ABCD3: variants seen among roughly 807,000 people sequenced by gnomAD.
The protein encoded by ABCD3 is ATP-binding cassette sub-family D member 3.
In ABCD3, 41 loss-of-function variants were observed where a neutral mutation model predicts 105.5. The ratio of observed to expected loss-of-function variants is 0.39; its 90% CI spans 0.30 to 0.50. ABCD3 has a LOEUF of 0.50. Ranked by LOEUF, ABCD3 falls within the 20% of genes least tolerant of loss-of-function variation. The probability of loss-of-function intolerance (pLI) is 0.84; values close to 1 mark genes in which losing one functional copy is unlikely to be tolerated. For synonymous variants in ABCD3, 258 were observed against 269.0 expected (o/e 0.96, Z 0.40); for missense variants, 622 against 806.3 (o/e 0.77, Z 2.77).
intron 1 of ABCD3, among the ~76,000 whole-genome samples, chr1:94,423,491 G>T (rs2100869519): frequency 6.6e-6 from 1 of 152,272 alleles, no homozygotes; most frequent in Middle Eastern, 3.4e-3. Context: ...TTCCTTTGGA[G>T]CACTTTCTGC....
At chr1:94,428,430 A>G (rs1321324045) in intron 1 of ABCD3, among the ~76,000 whole-genome samples, 1 of 152,266 alleles carries the variant, frequency 6.6e-6, no homozygotes, top group African/African-American at 2.4e-5. Flanking sequence ...ATAATAATTT[A>G]GTCAACATGT....
In ABCD3 at chr1:94,514,306, G is replaced by A. The variant is rs1188683434; in HGVS notation, c.1846-840G>A. The A allele has an allele frequency of 2.6e-5, 4 of 152,178 alleles. No homozygotes were observed. In the East Asian group the frequency reaches 5.8e-4, roughly 22 times the overall value. The allele number at this position is 152,178 out of a possible 1,614,324, so 9.4% of individuals were successfully genotyped here. ...CCTGGCCTCTGCCCATTAGATGGCA[G>A]TAGTGCTTTCAGTTGTGAAAATAAA... is the stretch of plus-strand genomic sequence containing the variant. On this transcript the variant is annotated intron_variant, in intron 21 of 22. Coordinates refer to ENST00000370214, the MANE Select transcript of ABCD3 (RefSeq NM_002858.4).
Position 94,458,458 on chromosome 1 carries a change from T to C in ABCD3, c.111-149T>C, listed in dbSNP as rs1192761568. ...AATGCCTAGTAAGAGTCAGGTGGAC[T>C]ATTATTATTTAATATGTTCTATCTC... On this transcript the variant is annotated intron_variant, in intron 1 of 22. Coordinates refer to ENST00000370214, the MANE Select transcript of ABCD3 (RefSeq NM_002858.4). 4 of 706,710 alleles carry C rather than the reference T, an allele frequency of 5.7e-6. No individual in the cohort carries two copies. The East Asian group carries it at 1.1e-4, about 19-fold the overall frequency. The allele number at this position is 706,710 out of a possible 1,614,324, so 43.8% of individuals were successfully genotyped here.
chr1:94,414,626 T>C (rs781326154), upstream of ABCD3, among the ~76,000 whole-genome samples: 1 of 152,138 alleles, frequency 6.6e-6, no homozygotes, highest in Non-Finnish European at 1.5e-5. Flanking sequence ...CCCGGTTGGA[T>C]TGGTGTTTCA....
chr1:94,410,369 T>C, the ABCD3 span, among the ~76,000 whole-genome samples: 1 of 152,152 alleles, frequency 6.6e-6, no homozygotes, highest in Non-Finnish European at 1.5e-5. Context: ...TTGAATTCCT[T>C]TTAGGTGGGC....
At chr1:94,507,396 G>A (rs1650419949) in intron 21 of ABCD3, among the ~76,000 whole-genome samples, 1 of 152,102 alleles carries the variant, frequency 6.6e-6, no homozygotes, top group African/African-American at 2.4e-5. Flanking sequence ...ATCTTTGTTG[G>A]ACATTTGGGT....
At chr1:94,448,006 T>C (rs1040433112) in intron 1 of ABCD3, among the ~76,000 whole-genome samples, 1 of 152,172 alleles carries the variant, frequency 6.6e-6, no homozygotes, top group Non-Finnish European at 1.5e-5. Context: ...GAGCTTCAGC[T>C]AATCAAAAGC....
chr1:94,430,554 C>G (rs1340811085), intron 1 of ABCD3, among the ~76,000 whole-genome samples: 4 of 152,088 alleles, frequency 2.6e-5, no homozygotes, highest in African/African-American at 9.7e-5. Context: ...AGAGAAGTTC[C>G]CCTGCACAAG....
intron 1 of ABCD3, among the ~76,000 whole-genome samples, chr1:94,431,822 C>T (rs1391586409): frequency 6.6e-6 from 1 of 152,106 alleles, no homozygotes; most frequent in African/African-American, 2.4e-5. Context: ...CTTTATTTAC[C>T]TGTGAATACA....
At chr1:94,438,556 C>T (rs970486589) in intron 1 of ABCD3, among the ~76,000 whole-genome samples, 8 of 152,098 alleles carry the variant, frequency 5.3e-5, no homozygotes, top group African/African-American at 1.9e-4. Context: ...CATCAAACAG[C>T]ATAGTATGGC....
At chr1:94,442,250 A>G (rs528004500) in intron 1 of ABCD3, among the ~76,000 whole-genome samples, 49 of 152,300 alleles carry the variant, frequency 3.2e-4, no homozygotes, top group African/African-American at 1.1e-3. Flanking sequence ...TGCAATTGCT[A>G]TAAGCCGTTT....
At chr1:94,484,459 A>G (rs1485562105) in intron 10 of ABCD3, among the ~76,000 whole-genome samples, 1 of 152,232 alleles carries the variant, frequency 6.6e-6, no homozygotes, top group Non-Finnish European at 1.5e-5. Context: ...ATGCAGCCAT[A>G]AAAATTATGA....
At chr1:94,410,812 G>C in the ABCD3 span, among the ~76,000 whole-genome samples, 6 of 152,168 alleles carry the variant, frequency 3.9e-5, no homozygotes, top group Non-Finnish European at 8.8e-5. Flanking sequence ...CCAGAACTTT[G>C]ACATAATTCT....
intron 20 of ABCD3, among the ~76,000 whole-genome samples, chr1:94,503,870 C>G (rs1650222830): frequency 6.9e-6 from 1 of 145,710 alleles, no homozygotes; most frequent in African/African-American, 2.5e-5. Context: ...ACAATCTTGG[C>G]TCACTGCAAC....
At chr1:94,476,040 G>T (rs746319438) in intron 7 of ABCD3, among the ~76,000 whole-genome samples, 1 of 152,024 alleles carries the variant, frequency 6.6e-6, no homozygotes, top group East Asian at 1.9e-4. Flanking sequence ...GTGTGCATCC[G>T]GCCATTGTTA....
chr1:94,410,021 G>A, the ABCD3 span, among the ~76,000 whole-genome samples: 1 of 152,268 alleles, frequency 6.6e-6, no homozygotes, highest in East Asian at 1.9e-4. Flanking sequence ...ATATACAGAC[G>A]GATGGCTGAG....
At chr1:94,402,768 G>T in the ABCD3 span, among the ~76,000 whole-genome samples, 1 of 152,014 alleles carries the variant, frequency 6.6e-6, no homozygotes, top group African/African-American at 2.4e-5. Flanking sequence ...TTATGACATT[G>T]ATTGTTATTA....
Position 94,418,438 on chromosome 1 carries a change from C to A in ABCD3, c.-41C>A, listed in dbSNP as rs575184764. 1 of 1,547,248 alleles carries A rather than the reference C, an allele frequency of 6.5e-7. No individual in the cohort carries two copies. The highest frequency in any genetic ancestry group is 2.0e-4 in the Middle Eastern group (1 of 5,044). ...AGTAAGGTAGCCGCCGCCGCCGCCG[C>A]CGCCGCGTCCCCTCGCCGGCTCGCT... is the stretch of plus-strand genomic sequence containing the variant. On this transcript the variant is annotated 5_prime_UTR_variant, in exon 1 of 23. Coordinates refer to ENST00000370214, the MANE Select transcript of ABCD3 (RefSeq NM_002858.4).
intron 21 of ABCD3, among the ~76,000 whole-genome samples, chr1:94,509,723 G>A (rs1271621216): frequency 6.6e-6 from 1 of 152,192 alleles, no homozygotes; most frequent in Non-Finnish European, 1.5e-5. Context: ...TTGGGAGTGT[G>A]TATGTGTCGA....
Sources: gnomAD v4.1 joint callset for allele counts (sites outside exome capture counted in the v4.1 genomes callset) on GRCh38, gnomAD v4.1.1 for gene constraint, MANE v1.5 for transcripts, NCBI Gene and HGNC (gene_info 2026-07-23, HGNC 2026-07-21) for gene names.